The following TRPM1 variants were observed in gnomAD, a reference collection of about 807,000 sequenced individuals.
The protein encoded by TRPM1 is transient receptor potential cation channel subfamily M member 1.
A neutral mutation model predicts 149.4 loss-of-function variants in TRPM1; 113 were observed. The observed-to-expected ratio is 0.76, with a 90% CI of 0.65 to 0.88. The LOEUF is 0.88. Among genes scored for constraint, TRPM1 ranks in the 40% least tolerant of loss-of-function variants. The probability of loss-of-function intolerance (pLI) is 0.00; values close to 1 mark genes in which losing one functional copy is unlikely to be tolerated. For synonymous variants in TRPM1, 741 were observed against 759.5 expected, an observed-to-expected ratio of 0.98 and a Z score of 0.40; for missense variants, 1,976 against 2,038.7, an observed-to-expected ratio of 0.97 and a Z score of 0.59.
At chr15:31,004,734 A>G (rs796607741) in intron 27 of TRPM1, among the ~76,000 whole-genome samples, 35 of 152,248 alleles carry the variant, frequency 2.3e-4, no homozygotes, top group African/African-American at 8.4e-4. Context: ...CTTGCATTTC[A>G]GAGACCAACA....
At chr15:31,073,548 G>A (rs1185922684) in intron 3 of TRPM1, among the ~76,000 whole-genome samples, 2 of 151,882 alleles carry the variant, frequency 1.3e-5, no homozygotes, top group Non-Finnish European at 2.9e-5. Flanking sequence ...TTTGTGTATT[G>A]ATCTTATATG....
intron 11 of TRPM1, among the ~76,000 whole-genome samples, chr15:31,059,826 CA>C (rs2034176402): frequency 6.6e-6 from 1 of 152,190 alleles, no homozygotes; most frequent in Non-Finnish European, 1.5e-5. Flanking sequence ...TAAAATGGAT[CA>C]AAGAAGCTGC....
At chr15:31,044,597 A>G (rs565963896) in intron 16 of TRPM1, among the ~76,000 whole-genome samples, 4 of 152,248 alleles carry the variant, frequency 2.6e-5, no homozygotes, top group South Asian at 2.1e-4. Flanking sequence ...CCTGACCAAT[A>G]TGGTGAAGCC....
intron 1 of TRPM1, among the ~76,000 whole-genome samples, chr15:31,119,255 T>TAAATAAAC (rs1444549984): frequency 2.0e-5 from 3 of 151,142 alleles, no homozygotes; most frequent in Non-Finnish European, 4.4e-5. Flanking sequence ...AATAAATAAA[T>TAAATAAAC]AAATAAATAA....
rs1331991815 is a variant in TRPM1, at chr15:31,066,204, A to G, written c.662T>C (p.Leu221Pro). Residue 221 changes from leucine to proline, a missense_variant, in exon 7 of 28, where the codon CTC (leucine) becomes CCC (proline). By Grantham distance (98) the Leu-to-Pro change is moderately conservative. Transcript: ENST00000256552. ...GGTGTGGGAGTTGTTGAGCACAGAG[A>G]GCTTACTTAGAGGGTTGGACATGGT... ...YQTMSNPLSK[L>P]SVLNNSHTHF... 6.2e-7 allele frequency: 1 copy of G among 1,614,178 alleles called. No individual in the cohort carries two copies. The highest frequency in any genetic ancestry group is 1.1e-5 in the South Asian group (1 of 91,086).
rs367945613 is a variant in TRPM1 at position 31,135,152 on chromosome 15, A to T, written c.54+25754T>A. 1.2e-4 allele frequency among the ~76,000 whole-genome samples: 18 copies of T among 152,250 alleles called. No homozygotes were observed. The South Asian group carries it at 3.1e-3, about 26-fold the overall frequency. ...GAACTCATGAAGGGTGAAGGAGAAA[A>T]TTATTTTTCCTTCCCTATGATGCCA... On this transcript the variant is annotated intron_variant, in intron 1 of 26. Coordinates refer to the TRPM1 transcript ENST00000542188.
intron 2 of TRPM1, among the ~76,000 whole-genome samples, chr15:31,080,351 CAA>C (rs1055740569): frequency 1.1e-4 from 16 of 152,130 alleles, no homozygotes; most frequent in African/African-American, 3.9e-4. Flanking sequence ...CCACCTAAAA[CAA>C]AGTGCACATC....
intron 1 of TRPM1, among the ~76,000 whole-genome samples, chr15:31,119,144 G>A (rs2035842261): frequency 6.6e-6 from 1 of 152,040 alleles, no homozygotes; most frequent in Non-Finnish European, 1.5e-5. Context: ...GGGAGGCTGA[G>A]GCAGGAGAAT....
At chr15:31,038,310 C>T (rs2033494851) in intron 18 of TRPM1, 144 bp from the exon 19 acceptor site, 2 of 947,864 alleles carry the variant, frequency 2.1e-6, no homozygotes, top group Non-Finnish European at 3.1e-6. Context: ...CGTTCTGTGA[C>T]ATGTGCTTGG....
At chr15:31,119,382 C>T (rs554703351) in intron 1 of TRPM1, among the ~76,000 whole-genome samples, 1 of 152,076 alleles carries the variant, frequency 6.6e-6, no homozygotes, top group South Asian at 2.1e-4. Context: ...AAGAAACAAA[C>T]CAACAACCTA....
intron 1 of TRPM1, among the ~76,000 whole-genome samples, chr15:31,150,522 T>G (rs891076750): frequency 3.3e-5 from 5 of 150,152 alleles, no homozygotes; most frequent in African/African-American, 7.4e-5. Flanking sequence ...CTGCAATCTC[T>G]GCCTCCCGGA....
At chr15:31,036,536 T>G (rs1047758442) in intron 20 of TRPM1, among the ~76,000 whole-genome samples, 2 of 152,072 alleles carry the variant, frequency 1.3e-5, no homozygotes, top group African/African-American at 2.4e-5. Context: ...TGAAGAAAGA[T>G]TAGAGCCATG....
intron 11 of TRPM1, among the ~76,000 whole-genome samples, chr15:31,051,445 AG>A (rs1188574218): frequency 1.3e-5 from 2 of 152,186 alleles, no homozygotes; most frequent in African/African-American, 4.8e-5. Flanking sequence ...CTGTGGGTTT[AG>A]TTGCTGAGAA....
rs755861602 is a variant in TRPM1 at position 31,047,907 on chromosome 15, C to A, written c.1605G>T (p.Leu535=). 2 of 1,613,854 alleles carry A rather than the reference C, an allele frequency of 1.2e-6. No homozygotes were observed. The highest frequency in any genetic ancestry group is 2.2e-5 in the East Asian group (1 of 44,882). ...GACTGACCTTTTTCACATCCCTCAC[C>A]AGCAGATGAAGTGTGTTTGGTGGAC... ...RLGPPNTLHL[L]VRDVKKSNLP... is the part of the protein sequence containing the mutation. Residue 535 remains leucine, a synonymous_variant, in exon 14 of 28, where the codon CTG becomes CTT. Coordinates refer to ENST00000256552, the MANE Select transcript of TRPM1 (RefSeq NM_001252024.2).
At chr15:31,129,485 G>A (rs1241047401) in intron 1 of TRPM1, among the ~76,000 whole-genome samples, 1 of 152,178 alleles carries the variant, frequency 6.6e-6, no homozygotes, top group Non-Finnish European at 1.5e-5. Flanking sequence ...GCCGCCTCCA[G>A]TGCCGACCTG....
intron 9 of TRPM1, among the ~76,000 whole-genome samples, chr15:31,062,104 G>A (rs1238424251): frequency 3.3e-5 from 5 of 152,104 alleles, no homozygotes; most frequent in Admixed American, 6.5e-5. Context: ...AATCTCAGTC[G>A]CCATCGGAGA....
Position 31,040,621 on chromosome 15 carries a change from G to T in TRPM1, c.2088-275C>A, listed in dbSNP as rs2033584085. Among the ~76,000 whole-genome samples the T allele has an allele frequency of 6.6e-6, 1 of 152,198 alleles. No homozygotes were observed. The highest frequency in any genetic ancestry group is 1.5e-5 in the Non-Finnish European group (1 of 68,034). On this transcript the variant is annotated intron_variant, in intron 17 of 27. Coordinates refer to ENST00000256552, the MANE Select transcript of TRPM1 (RefSeq NM_001252024.2). The surrounding 1 kb of genome is among the most constrained non-coding windows in gnomAD (Gnocchi z 4.2). ...CCACATCTGCCCCTCAGACCCCAGG[G>T]ACATAGAGACGAGAAGACAAAGTCC...
intron 1 of TRPM1, among the ~76,000 whole-genome samples, chr15:31,118,633 T>C (rs776981551): frequency 2.0e-5 from 3 of 152,172 alleles, no homozygotes; most frequent in African/African-American, 4.8e-5. Context: ...GGGTGCCCCA[T>C]GGTTGGGTTA....
At chr15:31,096,786 T>A (rs1451388502) in intron 1 of TRPM1, among the ~76,000 whole-genome samples, 1 of 152,222 alleles carries the variant, frequency 6.6e-6, no homozygotes, top group Non-Finnish European at 1.5e-5. Flanking sequence ...CCTCTGGCAG[T>A]GCTCCCATGG....
Sources: gnomAD v4.1 joint callset for allele counts (sites outside exome capture counted in the v4.1 genomes callset) on GRCh38, gnomAD v4.1.1 for gene constraint, Gnocchi (gnomAD v3.1) non-coding constraint, MANE v1.5 for transcripts, NCBI Gene and HGNC (gene_info 2026-07-23, HGNC 2026-07-21) for gene names.